Variants in NRXN3 observed in about 807,000 individuals in gnomAD.
NRXN3 encodes neurexin 3, also known as neurexin III.
A neutral mutation model predicts 137.6 loss-of-function variants in NRXN3; 32 were observed. That is an observed-to-expected ratio of 0.23 (90% confidence interval 0.18 to 0.31). NRXN3 has a LOEUF of 0.31. NRXN3 is among the 10% of genes least tolerant of loss of function. The pLI is 1.00. For synonymous variants in NRXN3, 798 were observed against 784.5 expected, an observed-to-expected ratio of 1.02 and a Z score of -0.29; for missense variants, 1,574 against 2,062.5, an observed-to-expected ratio of 0.76 and a Z score of 4.59.
intron 15 of NRXN3, among the ~76,000 whole-genome samples, chr14:79,026,923 G>GCATA (rs1555675996): frequency 0.01 from 1,413 of 135,292 alleles, 20 homozygotes; most frequent in Middle Eastern, 0.038. Context: ...AGAAAAAAAA[G>GCATA]TATATATATA....
chr14:79,619,605 C>G (rs2098199911), intron 16 of NRXN3, among the ~76,000 whole-genome samples: 3 of 152,124 alleles, frequency 2.0e-5, no homozygotes, highest in Admixed American at 2.0e-4. Context: ...TGGGGGCCAT[C>G]TCAAAGTCCT....
intron 10 of NRXN3, among the ~76,000 whole-genome samples, chr14:78,846,064 A>G (rs1020513037): frequency 6.6e-6 from 1 of 152,062 alleles, no homozygotes. Context: ...ACATCTTCCA[A>G]GAAATGACTT....
intron 4 of NRXN3, among the ~76,000 whole-genome samples, chr14:78,577,964 G>A (rs567364585): frequency 6.6e-6 from 1 of 152,222 alleles, no homozygotes; most frequent in South Asian, 2.1e-4. Context: ...GGTTTTATAA[G>A]AGTGCTCTGC....
At chr14:78,649,455 TA>T (rs143658769) in intron 5 of NRXN3, among the ~76,000 whole-genome samples, 4,012 of 146,232 alleles carry the variant, frequency 0.027, 196 homozygotes, top group African/African-American at 0.095. Context: ...TTCTTTTTCT[TA>T]AAAAAAAAAT....
chr14:79,272,918 A>G (rs1326275426), intron 15 of NRXN3, among the ~76,000 whole-genome samples: 2 of 152,158 alleles, frequency 1.3e-5, no homozygotes, highest in Admixed American at 6.5e-5. Context: ...CACGCCTGTA[A>G]TCCCAGCACT....
intron 4 of NRXN3, among the ~76,000 whole-genome samples, chr14:78,511,629 A>T (rs1035297706): frequency 2.0e-4 from 30 of 152,166 alleles, no homozygotes; most frequent in African/African-American, 7.2e-4. Context: ...ATTTTTGCAA[A>T]ATGTCATAAT....
intron 15 of NRXN3, among the ~76,000 whole-genome samples, chr14:79,102,753 G>A (rs2051583387): frequency 6.6e-6 from 1 of 152,084 alleles, no homozygotes; most frequent in Non-Finnish European, 1.5e-5. Context: ...ATTATATCAG[G>A]CCAATTAGGC....
In NRXN3 at chr14:79,523,037, G is replaced by A. The variant is rs377495889; in HGVS notation, c.3444+55635G>A. ...GCTTTCTCTCTTTCCTAGCTGAATA[G>A]CATTACAGGCCACTTCTAAAATAAA... On this transcript the variant is annotated intron_variant, in intron 16 of 20. Transcript: ENST00000335750. Among the ~76,000 whole-genome samples, 14 of 148,188 alleles carry A rather than the reference G, an allele frequency of 9.4e-5. No individual in the cohort carries two copies. In the South Asian group the frequency reaches 1.7e-3, roughly 18 times the overall value.
chr14:79,080,393 G>C (rs749404779), intron 15 of NRXN3, among the ~76,000 whole-genome samples: 1 of 152,192 alleles, frequency 6.6e-6, no homozygotes, highest in Non-Finnish European at 1.5e-5. Flanking sequence ...GTTTGAACTA[G>C]AGTTACCAAG....
intron 10 of NRXN3, among the ~76,000 whole-genome samples, chr14:78,926,721 TTATA>T (rs565650927): frequency 6.3e-5 from 5 of 78,934 alleles, no homozygotes; most frequent in African/African-American, 5.3e-5. Flanking sequence ...TATTATATAA[TTATA>T]TATAATATAA....
At chr14:79,790,713 C>T (rs1041207033) in intron 19 of NRXN3, among the ~76,000 whole-genome samples, 18 of 150,616 alleles carry the variant, frequency 1.2e-4, no homozygotes, top group African/African-American at 4.4e-4. Context: ...CTCCGCCTCC[C>T]AGGTTCAAGC....
chr14:79,857,988 T>A (rs1200937540), intron 20 of NRXN3, among the ~76,000 whole-genome samples: 1 of 152,226 alleles, frequency 6.6e-6, no homozygotes, highest in Non-Finnish European at 1.5e-5. Context: ...CTGAAAGATT[T>A]TGTTTTCTAA....
chr14:79,102,130 A>G (rs2051438087), intron 15 of NRXN3, among the ~76,000 whole-genome samples: 1 of 152,124 alleles, frequency 6.6e-6, no homozygotes, highest in Non-Finnish European at 1.5e-5. Flanking sequence ...TGAAAAATAA[A>G]TTTCTGTTGT....
chr14:79,440,796 G>A (rs188165190), intron 15 of NRXN3, among the ~76,000 whole-genome samples: 108 of 152,176 alleles, frequency 7.1e-4, no homozygotes, highest in African/African-American at 2.3e-3. Context: ...TACTCAGTAC[G>A]ATTATTTACG....
intron 10 of NRXN3, among the ~76,000 whole-genome samples, chr14:78,866,942 C>T (rs1431374008): frequency 6.6e-6 from 1 of 151,658 alleles, no homozygotes; most frequent in African/African-American, 2.4e-5. Context: ...AGACTACAGG[C>T]ACACACCACC....
At chr14:78,592,327 G>C (rs962831191) in intron 4 of NRXN3, among the ~76,000 whole-genome samples, 2 of 152,112 alleles carry the variant, frequency 1.3e-5, no homozygotes, top group Non-Finnish European at 2.9e-5. Context: ...TGATGCAAAA[G>C]AAGAGGCCCT....
intron 8 of NRXN3, among the ~76,000 whole-genome samples, chr14:78,770,935 G>GT (rs1197190811): frequency 6.6e-6 from 1 of 152,198 alleles, no homozygotes; most frequent in East Asian, 1.9e-4. Flanking sequence ...CTCTTTCATT[G>GT]TTGGAGGTAA....
At chr14:79,658,055 A>G (rs1007396815) in intron 16 of NRXN3, among the ~76,000 whole-genome samples, 1 of 152,198 alleles carries the variant, frequency 6.6e-6, no homozygotes, top group Admixed American at 6.5e-5. Context: ...CTAAGTGGAC[A>G]GATAAGTTAG....
intron 8 of NRXN3, among the ~76,000 whole-genome samples, chr14:78,729,593 G>A (rs893669630): frequency 2.0e-5 from 3 of 152,198 alleles, no homozygotes; most frequent in Admixed American, 2.0e-4. Context: ...GTCCAGAAGA[G>A]CATGAAATGA....
Sources: gnomAD v4.1 joint callset for allele counts (sites outside exome capture counted in the v4.1 genomes callset) on GRCh38, gnomAD v4.1.1 for gene constraint, MANE v1.5 for transcripts, NCBI Gene and HGNC (gene_info 2026-07-23, HGNC 2026-07-21) for gene names.